KIF13A: variants seen among roughly 807,000 people sequenced by gnomAD.
KIF13A encodes kinesin family member 13A.
KIF13A carries 79 observed loss-of-function variants against 212.2 expected under a neutral mutation model. The ratio of observed to expected loss-of-function variants is 0.37; its 90% CI spans 0.31 to 0.45. The LOEUF is 0.45. Ranked by LOEUF, KIF13A falls within the 20% of genes least tolerant of loss-of-function variation. The pLI is 1.00. For missense variants in KIF13A, 1,901 were observed against 2,209.0 expected (o/e 0.86, Z 2.79); for synonymous variants, 789 against 808.6 (o/e 0.98, Z 0.41).
intron 20 of KIF13A, 101 bp from the exon 21 acceptor site, chr6:17,800,214 C>A: frequency 9.1e-7 from 1 of 1,101,254 alleles, no homozygotes; most frequent in Non-Finnish European, 1.3e-6. Flanking sequence ...GAGAGGGGCT[C>A]TGCAGCTGCT....
In KIF13A at chr6:17,962,082, T is replaced by C. The variant is rs117688777; in HGVS notation, c.146+24972A>G. Among the ~76,000 whole-genome samples the C allele has an allele frequency of 2.7e-3, 416 of 152,204 alleles. 5 individuals are homozygous for C. The highest frequency in any genetic ancestry group is 4.8e-3 in the East Asian group (25 of 5,170). ...TGGTTCATGCCTGTAGTCCCAGCAC[T>C]TTAGGAGGCCAAGGCGCGTGGATCA... On this transcript the variant is annotated intron_variant, in intron 2 of 38. Transcript: ENST00000259711.
chr6:17,796,273 C>G (rs1187740522), intron 23 of KIF13A, among the ~76,000 whole-genome samples: 8 of 149,378 alleles, frequency 5.4e-5, no homozygotes, highest in African/African-American at 2.0e-4. Flanking sequence ...ACGATCTTGG[C>G]TCACTGAAAC....
At chr6:17,822,408 G>T (rs1764539291) in intron 16 of KIF13A, among the ~76,000 whole-genome samples, 1 of 152,172 alleles carries the variant, frequency 6.6e-6, no homozygotes, top group Non-Finnish European at 1.5e-5. Flanking sequence ...GGATACAAAA[G>T]AATAATTCAT....
chr6:17,761,387 AT>A (rs34270855), downstream of KIF13A, among the ~76,000 whole-genome samples: 53 of 147,476 alleles, frequency 3.6e-4, no homozygotes, highest in South Asian at 2.6e-3. Context: ...GGCCGCCAAA[AT>A]TTTTTTTTTT....
At chr6:17,911,949 G>C (rs1581710212) in intron 2 of KIF13A, among the ~76,000 whole-genome samples, 1 of 152,220 alleles carries the variant, frequency 6.6e-6, no homozygotes, top group African/African-American at 2.4e-5. Context: ...TATTTTAGTA[G>C]AGACGGGGTT....
In KIF13A at chr6:17,808,861, C is replaced by T. The variant is rs374069040; in HGVS notation, c.2070G>A (p.Arg690=). Residue 690 remains arginine, a synonymous_variant, in exon 18 of 39, where the codon AGG becomes AGA. Transcript: ENST00000259711. ...TTTCCTCAGCCAGGAAGTTTGCTTCCCTCACCAAGGTATTAGCTTTAACCA... is the reference window on the plus strand; with the variant it reads ...TTTCCTCAGCCAGGAAGTTTGCTTCTCTCACCAAGGTATTAGCTTTAACCA... ...EQLVKANTLV[R]EANFLAEEMS... is the part of the protein sequence containing the mutation. 7 of 1,613,720 alleles carry T rather than the reference C, an allele frequency of 4.3e-6. 1 individual carries two copies. Among genetic ancestry groups the T allele is most frequent in the Middle Eastern group, 3.3e-4 (2 of 6,050 alleles).
At chr6:17,780,594 G>T in intron 31 of KIF13A, 136 bp downstream of exon 31, 1 of 768,144 alleles carries the variant, frequency 1.3e-6, no homozygotes, top group Non-Finnish European at 2.1e-6. Context: ...TTGGATAAAT[G>T]AGAATCAGAC....
Position 17,874,928 on chromosome 6 carries a change from G to A in KIF13A, c.160-1491C>T, listed in dbSNP as rs141960712. Among the ~76,000 whole-genome samples, 26 of 111,438 alleles carry A rather than the reference G, an allele frequency of 2.3e-4. 2 individuals carry two copies. In the East Asian group the frequency reaches 4.8e-3, roughly 20 times the overall value. 73.1% of individuals were successfully genotyped at this position (111,438 alleles called of 152,430 possible). On this transcript the variant is annotated intron_variant, in intron 3 of 38. Transcript: ENST00000259711. ...AATAGTCTCCAATCTCATGCAGGTC[G>A]CTGCAAATGCCGTTAATTCATTCCT... is the stretch of plus-strand genomic sequence containing the variant.
rs189994207 is a variant in KIF13A at position 17,879,890 on chromosome 6, T to C, written c.160-6453A>G. On this transcript the variant is annotated intron_variant, in intron 3 of 38. Coordinates refer to ENST00000259711, the MANE Select transcript of KIF13A (RefSeq NM_022113.6). ...TTTTGATTTTCCCATACAAAATACA[T>C]TGACATTTCAAAAGGGAGAAAACCA... 2.7e-3 allele frequency among the ~76,000 whole-genome samples: 409 copies of C among 152,338 alleles called. 3 individuals are homozygous for C. The highest frequency in any genetic ancestry group is 9.2e-3 in the African/African-American group (382 of 41,588).
At chr6:17,894,827 C>A (rs1772417274) in intron 3 of KIF13A, among the ~76,000 whole-genome samples, 1 of 152,134 alleles carries the variant, frequency 6.6e-6, no homozygotes, top group Admixed American at 6.6e-5. Context: ...ATCCCTATCC[C>A]AACTCCCTCT....
chr6:17,812,409 C>A (rs566984242), intron 17 of KIF13A: 1 of 152,200 alleles, frequency 6.6e-6, no homozygotes, highest in Admixed American at 6.5e-5. Flanking sequence ...TTAGCTCTCA[C>A]TTATTAGTGA....
chr6:17,822,813 T>G (rs558903448), intron 16 of KIF13A, among the ~76,000 whole-genome samples: 1 of 152,346 alleles, frequency 6.6e-6, no homozygotes, highest in African/African-American at 2.4e-5. Flanking sequence ...AATGTGATTC[T>G]GATGTCTGAA....
At position 17,851,915 on chromosome 6, in the gene KIF13A, A is replaced by T. The variant is rs41267724; in HGVS notation, c.582+40T>A. 2.4e-3 allele frequency: 2,597 copies of T among 1,065,040 alleles called. 6 individuals are homozygous for T. The highest frequency in any genetic ancestry group is 7.2e-3 in the South Asian group (405 of 55,916). The allele number at this position is 1,065,040 out of a possible 1,614,324, so 66.0% of individuals were successfully genotyped here. The stretch of plus-strand genomic sequence containing the variant: ...CAGTATCACTTACATACTTTGATTT[A>T]TAGTCAGCTTTTAATCACATTTTAA... On this transcript the variant is annotated intron_variant, in intron 7 of 38. Coordinates refer to ENST00000259711, the MANE Select transcript of KIF13A (RefSeq NM_022113.6).
chr6:17,894,432 AC>A (rs767521152), intron 3 of KIF13A, among the ~76,000 whole-genome samples: 2 of 152,160 alleles, frequency 1.3e-5, no homozygotes, highest in Non-Finnish European at 2.9e-5. Flanking sequence ...TCTGCATCTT[AC>A]TGATATGATC....
intron 2 of KIF13A, among the ~76,000 whole-genome samples, chr6:17,980,952 T>C (rs1781015400): frequency 6.7e-6 from 1 of 150,322 alleles, no homozygotes; most frequent in African/African-American, 2.4e-5. Flanking sequence ...AGAAATACGG[T>C]GGGAAATTCC....
rs189168731 is a variant in KIF13A at position 17,939,929 on chromosome 6, A to T, written c.147-41749T>A. On this transcript the variant is annotated intron_variant, in intron 2 of 38. Transcript: ENST00000259711. ...GTGGCGGGCGCCTATAGTGCCAGCT[A>T]CTCGGGAGGCTGAGGCAGGAGAATG... is the stretch of plus-strand genomic sequence containing the variant. Among the ~76,000 whole-genome samples, 19 of 151,444 alleles carry T rather than the reference A, an allele frequency of 1.3e-4. No homozygotes were observed. In the East Asian group the frequency reaches 2.9e-3, roughly 23 times the overall value.
At chr6:17,819,593 G>A (rs1562014455) in intron 16 of KIF13A, among the ~76,000 whole-genome samples, 2 of 148,146 alleles carry the variant, frequency 1.4e-5, no homozygotes. Flanking sequence ...TAAACTGGGG[G>A]AAAAAACCCA....
intron 38 of KIF13A, among the ~76,000 whole-genome samples, chr6:17,765,480 G>A (rs1019143824): frequency 2.0e-5 from 3 of 152,104 alleles, no homozygotes; most frequent in Non-Finnish European, 4.4e-5. Context: ...AACTGCAAAA[G>A]GGCAAAAAAC....
Position 17,825,787 on chromosome 6 carries a change from CATG to C in KIF13A, c.1764_1766del (p.Ile588del), listed in dbSNP as rs754940895. On this transcript the variant is annotated inframe_deletion, in exon 16 of 39. Transcript: ENST00000259711. This position sits in a 1 kb window ranked among gnomAD's most constrained non-coding sequence, Gnocchi z 4.5. ...TCTTACCATTACTATTCAGGGTTTT[CATG>C]ATAACTTCCATCTGTGCAAATTCAT... 8.7e-6 allele frequency: 14 copies of C among 1,613,642 alleles called. No individual in the cohort carries two copies. Among genetic ancestry groups the C allele is most frequent in the Non-Finnish European group, 1.0e-5 (12 of 1,179,854 alleles).
Sources: allele counts gnomAD v4.1 joint callset (sites outside exome capture counted in the v4.1 genomes callset), GRCh38; gene constraint gnomAD v4.1.1; non-coding constraint Gnocchi (gnomAD v3.1); transcripts MANE v1.5; gene names NCBI Gene and HGNC (gene_info 2026-07-23, HGNC 2026-07-21).